The following AGFG2 variants were observed in gnomAD, a reference collection of about 807,000 sequenced individuals.
AGFG2 encodes the protein ArfGAP with FG repeats 2.
AGFG2 carries 31 observed loss-of-function variants against 48.0 expected under a neutral mutation model. That is an observed-to-expected ratio of 0.65 (90% CI 0.49 to 0.87). The LOEUF (loss-of-function observed/expected upper bound fraction) is 0.87, where lower values mean the gene tolerates loss of function less well. AGFG2 is among the 40% of genes least tolerant of loss of function. The pLI is 0.00. For synonymous variants in AGFG2, 229 were observed against 260.8 expected (o/e 0.88, Z 1.18); for missense variants, 599 against 632.6 (o/e 0.95, Z 0.57).
intron 4 of AGFG2, among the ~76,000 whole-genome samples, chr7:100,553,836 C>T (rs1048555115): frequency 5.9e-5 from 9 of 152,116 alleles, no homozygotes; most frequent in African/African-American, 1.7e-4. Flanking sequence ...GGGCAGTATT[C>T]CTGTATATCT....
At chr7:100,558,433 G>C (rs1365434232) in intron 6 of AGFG2, among the ~76,000 whole-genome samples, 2 of 152,084 alleles carry the variant, frequency 1.3e-5, no homozygotes, top group Non-Finnish European at 1.5e-5. Context: ...CTAGGAATGG[G>C]AGCACTCGAG....
intron 9 of AGFG2, 116 bp downstream of exon 9, chr7:100,563,062 G>T: frequency 9.1e-7 from 1 of 1,101,510 alleles, no homozygotes; most frequent in South Asian, 1.5e-5. Flanking sequence ...CAGACAGCCT[G>T]GTTCTTCCCC....
chr7:100,553,649 T>A, intron 4 of AGFG2, 149 bp downstream of exon 4: 1 of 985,634 alleles, frequency 1.0e-6, no homozygotes, highest in Middle Eastern at 3.3e-4. Flanking sequence ...TATCTTGTAT[T>A]TGTCACTTCT....
Position 100,539,312 on chromosome 7 carries a change from G to A in AGFG2, c.-35G>A. ...CGGGAAGGCGGCAGTGGTTGAAGGG[G>A]TGATTGCTGACTAGCGGGGAGGGAG... On this transcript the variant is annotated 5_prime_UTR_variant, in exon 1 of 12. The change creates a new upstream start codon in the 5' untranslated region. Coordinates refer to ENST00000300176, the MANE Select transcript of AGFG2 (RefSeq NM_006076.5). 7.8e-7 allele frequency: 1 copy of A among 1,278,992 alleles called. No individual in the cohort carries two copies. The highest frequency in any genetic ancestry group is 2.5e-5 in the South Asian group (1 of 39,296). The allele number at this position is 1,278,992 out of a possible 1,614,324, so 79.2% of individuals were successfully genotyped here.
chr7:100,565,204 C>T lies in AGFG2; in HGVS notation c.*213C>T. On this transcript the variant is annotated 3_prime_UTR_variant, in exon 12 of 12. Coordinates refer to ENST00000300176, the MANE Select transcript of AGFG2 (RefSeq NM_006076.5). ...GTCCCACCCCCACCCAGGCAGGAAG[C>T]CCAGGAGGAGTGCGGGCAGGGCCTG... 1 of 621,592 alleles carries T rather than the reference C, an allele frequency of 1.6e-6. No homozygotes were observed. The highest frequency in any genetic ancestry group is 2.8e-6 in the Non-Finnish European group (1 of 353,166). 38.5% of individuals were successfully genotyped at this position (621,592 alleles called of 1,614,324 possible).
At position 100,559,818 on chromosome 7, in the gene AGFG2, C is replaced by CAAA. The variant is rs199577248; in HGVS notation, c.878-2426_878-2424dup. Among the ~76,000 whole-genome samples, 288 of 97,464 alleles carry CAAA rather than the reference C, an allele frequency of 3.0e-3. 2 individuals carry two copies. The highest frequency in any genetic ancestry group is 0.011 in the African/African-American group (274 of 25,558). 63.9% of individuals were successfully genotyped at this position (97,464 alleles called of 152,430 possible). A position where few individuals can be genotyped will look rare whatever the true frequency, so the allele number is the denominator to read the frequency against. ...GGGCAATTGGAATGAGACCCTGTCT[C>CAAA]AAAAAAAAAAAAAAAAAGTGCATGA... is the stretch of plus-strand genomic sequence containing the variant. On this transcript the variant is annotated intron_variant, in intron 6 of 11. Coordinates refer to ENST00000300176, the MANE Select transcript of AGFG2 (RefSeq NM_006076.5).
rs78951820 is a variant in AGFG2 at position 100,565,492 on chromosome 7, G to A, written c.*501G>A. On this transcript the variant is annotated 3_prime_UTR_variant, in exon 12 of 12. Coordinates refer to ENST00000300176, the MANE Select transcript of AGFG2 (RefSeq NM_006076.5). ...CTTTCCTCCTGCAGCACCCCCTGCTGAAGGGGTCCCCCATTGTTTTGCTTC... is the reference window on the plus strand; with the variant it reads ...CTTTCCTCCTGCAGCACCCCCTGCTAAAGGGGTCCCCCATTGTTTTGCTTC... 0.058 allele frequency: 9,023 copies of A among 154,964 alleles called. 298 individuals are homozygous for A. The highest frequency in any genetic ancestry group is 0.11 in the East Asian group (566 of 5,224). 9.6% of individuals were successfully genotyped at this position (154,964 alleles called of 1,614,324 possible). A position where few individuals can be genotyped will look rare whatever the true frequency, so the allele number is the denominator to read the frequency against.
In AGFG2 at chr7:100,562,481, T is replaced by C. The variant is rs1800897751; in HGVS notation, c.998+102T>C. ...TCGGCATCTCCTGGCAGTTCTCCCCTCCCCTCCTCTCCCTTACTCACCCTG... is the reference window on the plus strand; with the variant it reads ...TCGGCATCTCCTGGCAGTTCTCCCCCCCCCTCCTCTCCCTTACTCACCCTG... On this transcript the variant is annotated intron_variant, in intron 7 of 11. Coordinates refer to ENST00000300176, the MANE Select transcript of AGFG2 (RefSeq NM_006076.5). This position sits in a 1 kb window ranked among gnomAD's most constrained non-coding sequence, Gnocchi z 5.4. The C allele has an allele frequency of 2.6e-5, 41 of 1,596,206 alleles. No homozygotes were observed. The South Asian group carries it at 4.6e-4, about 18-fold the overall frequency.
intron 6 of AGFG2, among the ~76,000 whole-genome samples, chr7:100,561,109 A>C (rs1584391015): frequency 7.2e-6 from 1 of 138,326 alleles, no homozygotes; most frequent in African/African-American, 2.8e-5. Flanking sequence ...ATGAGCCACC[A>C]CACCTGGCCA....
chr7:100,554,010 T>C, intron 4 of AGFG2, 83 bp from the exon 5 acceptor site: 1 of 1,516,470 alleles, frequency 6.6e-7, no homozygotes. Context: ...TACCTGCCTA[T>C]CTGAGGGCAA....
intron 6 of AGFG2, chr7:100,556,520 GA>G: frequency 8.1e-7 from 1 of 1,227,984 alleles, no homozygotes; most frequent in Non-Finnish European, 1.1e-6. Context: ...GATGTCTGGG[GA>G]AAAGCCAGTG....
In AGFG2 at chr7:100,567,299, A is replaced by C. The variant is rs1801032566; in HGVS notation, c.*2308A>C. On this transcript the variant is annotated 3_prime_UTR_variant, in exon 12 of 12. Coordinates refer to ENST00000300176, the MANE Select transcript of AGFG2 (RefSeq NM_006076.5). The stretch of plus-strand genomic sequence containing the variant: ...CCTGGAGAGTAGCAAAGAATGGAGA[A>C]AGGCCTGGCTTGAGAGGAAATGGAG... 1 of 152,698 alleles carries C rather than the reference A, an allele frequency of 6.5e-6. No homozygotes were observed. Among genetic ancestry groups the C allele is most frequent in the Non-Finnish European group, 1.5e-5 (1 of 68,172 alleles). The allele number at this position is 152,698 out of a possible 1,614,324, so 9.5% of individuals were successfully genotyped here.
chr7:100,551,975 G>A (rs1398987806), intron 3 of AGFG2, among the ~76,000 whole-genome samples: 1 of 151,414 alleles, frequency 6.6e-6, no homozygotes, highest in Non-Finnish European at 1.5e-5. Context: ...CAGGTGTGGT[G>A]GCTCATGCCT....
At chr7:100,547,237 TTC>T (rs1800530062) in intron 1 of AGFG2, among the ~76,000 whole-genome samples, 1 of 148,404 alleles carries the variant, frequency 6.7e-6, no homozygotes, top group Admixed American at 6.9e-5. Flanking sequence ...AGCACTTGGA[TTC>T]TGTGTGTGCA....
chr7:100,568,199 A>C lies in AGFG2; in HGVS notation c.*3208A>C, dbSNP rs550388550. ...TGATGGGGAGTGGGAAGGGGAAGGA[A>C]TAAAGAGATCTTCCTCAGGTATCTT... is the stretch of plus-strand genomic sequence containing the variant. On this transcript the variant is annotated 3_prime_UTR_variant, in exon 12 of 12. Coordinates refer to ENST00000300176, the MANE Select transcript of AGFG2 (RefSeq NM_006076.5). 20 of 152,782 alleles carry C rather than the reference A, an allele frequency of 1.3e-4. No homozygotes were observed. The highest frequency in any genetic ancestry group is 4.8e-4 in the African/African-American group (20 of 41,566). The allele number at this position is 152,782 out of a possible 1,614,324, so 9.5% of individuals were successfully genotyped here.
chr7:100,567,336 T>G lies in AGFG2; in HGVS notation c.*2345T>G, dbSNP rs1240002291. 3 of 152,954 alleles carry G rather than the reference T, an allele frequency of 2.0e-5. No homozygotes were observed. Among genetic ancestry groups the G allele is most frequent in the African/African-American group, 7.2e-5 (3 of 41,458 alleles). 9.5% of individuals were successfully genotyped at this position (152,954 alleles called of 1,614,324 possible). A position where few individuals can be genotyped will look rare whatever the true frequency, so the allele number is the denominator to read the frequency against. ...GAGAGGAAATGGAGAAAACATTGCC[T>G]GGTAGCTGCAGATTCAAACCCACCA... On this transcript the variant is annotated 3_prime_UTR_variant, in exon 12 of 12. Coordinates refer to ENST00000300176, the MANE Select transcript of AGFG2 (RefSeq NM_006076.5).
At chr7:100,545,164 C>T (rs766928777) in intron 1 of AGFG2, among the ~76,000 whole-genome samples, 4 of 152,156 alleles carry the variant, frequency 2.6e-5, no homozygotes, top group African/African-American at 4.8e-5. Context: ...GCAAGGATTT[C>T]CCAAGTCCAA....
chr7:100,566,716 C>T lies in AGFG2; in HGVS notation c.*1725C>T, dbSNP rs1483839768. On this transcript the variant is annotated 3_prime_UTR_variant, in exon 12 of 12. Coordinates refer to ENST00000300176, the MANE Select transcript of AGFG2 (RefSeq NM_006076.5). Reference sequence around the variant, plus strand: ...TGTCTGTTCCTGTTCTTCTCCCAGCCTCTGCCCTCCTTCTGTCTCCTGGGT... The same window carrying T: ...TGTCTGTTCCTGTTCTTCTCCCAGCTTCTGCCCTCCTTCTGTCTCCTGGGT... 6.6e-6 allele frequency: 1 copy of T among 152,376 alleles called. No homozygotes were observed. The highest frequency in any genetic ancestry group is 1.5e-5 in the Non-Finnish European group (1 of 68,108). 9.4% of individuals were successfully genotyped at this position (152,376 alleles called of 1,614,324 possible).
intron 1 of AGFG2, among the ~76,000 whole-genome samples, chr7:100,541,119 G>T (rs1028433048): frequency 1.3e-5 from 2 of 152,006 alleles, no homozygotes; most frequent in Admixed American, 1.3e-4. Context: ...GCAAAGAGAG[G>T]TTTCGTAACT....
Sources: allele counts gnomAD v4.1 joint callset (sites outside exome capture counted in the v4.1 genomes callset), GRCh38; gene constraint gnomAD v4.1.1; non-coding constraint Gnocchi (gnomAD v3.1); transcripts MANE v1.5; gene names NCBI Gene and HGNC (gene_info 2026-07-23, HGNC 2026-07-21).